Variants in PRKN observed in about 807,000 individuals in gnomAD.
The protein encoded by PRKN is E3 ubiquitin-protein ligase parkin.
In PRKN, 56 loss-of-function variants were observed where a neutral mutation model predicts 59.5. That is an observed-to-expected ratio of 0.94 (90% CI 0.76 to 1.18). The LOEUF (loss-of-function observed/expected upper bound fraction) is 1.18, where lower values mean the gene tolerates loss of function less well. PRKN is among the 50% of genes most tolerant of loss of function. The pLI is 0.00. For missense variants in PRKN, 657 were observed against 596.4 expected, an observed-to-expected ratio of 1.10 and a Z score of -1.06; for synonymous variants, 250 against 222.1, an observed-to-expected ratio of 1.13 and a Z score of -1.12.
intron 6 of PRKN, among the ~76,000 whole-genome samples, chr6:161,869,483 G>A (rs1386683471): frequency 3.9e-5 from 6 of 152,088 alleles, no homozygotes; most frequent in East Asian, 1.9e-4. Flanking sequence ...TGATAAATAC[G>A]AGGCCAAGAA....
At chr6:162,131,079 C>T (rs1021194090) in intron 4 of PRKN, among the ~76,000 whole-genome samples, 15 of 152,156 alleles carry the variant, frequency 9.9e-5, no homozygotes, top group African/African-American at 3.4e-4. Flanking sequence ...CCCTGAAAAT[C>T]ACAGCTTCAT....
At chr6:161,375,222 C>T (rs1002111210) in intron 10 of PRKN, among the ~76,000 whole-genome samples, 26 of 152,174 alleles carry the variant, frequency 1.7e-4, no homozygotes, top group African/African-American at 6.3e-4. Flanking sequence ...CGCCCCTGGC[C>T]GGAAGCTGCA....
chr6:162,387,473 A>G (rs1786895859), intron 2 of PRKN, among the ~76,000 whole-genome samples: 1 of 151,200 alleles, frequency 6.6e-6, no homozygotes, highest in African/African-American at 2.4e-5. Flanking sequence ...AAATTATTGA[A>G]GTTAAGAAGA....
chr6:162,183,167 C>T (rs768685461), intron 4 of PRKN, among the ~76,000 whole-genome samples: 1 of 152,078 alleles, frequency 6.6e-6, no homozygotes, highest in African/African-American at 2.4e-5. Flanking sequence ...TGTCGGGAGG[C>T]CCAATGTGTT....
chr6:161,479,215 C>T (rs1260412497), intron 9 of PRKN, among the ~76,000 whole-genome samples: 3 of 152,072 alleles, frequency 2.0e-5, no homozygotes, highest in African/African-American at 7.2e-5. Flanking sequence ...TGAAAAATAG[C>T]ATCATTATCA....
chr6:161,416,513 A>C (rs769334432), intron 9 of PRKN, among the ~76,000 whole-genome samples: 18 of 152,106 alleles, frequency 1.2e-4, no homozygotes, highest in Non-Finnish European at 2.5e-4. Flanking sequence ...AAGTCACTCC[A>C]GTGATAGGCC....
intron 5 of PRKN, among the ~76,000 whole-genome samples, chr6:162,034,689 C>T (rs1487455363): frequency 6.6e-6 from 1 of 152,188 alleles, no homozygotes; most frequent in Admixed American, 6.5e-5. Context: ...ACCCTAATGA[C>T]TCAACATACT....
chr6:161,746,715 G>C (rs1400355887), intron 7 of PRKN, among the ~76,000 whole-genome samples: 1 of 143,334 alleles, frequency 7.0e-6, no homozygotes, highest in Non-Finnish European at 1.5e-5. Flanking sequence ...TGTATATATA[G>C]ATATATATGT....
chr6:162,063,484 A>G (rs893193723), intron 4 of PRKN, among the ~76,000 whole-genome samples: 5 of 152,322 alleles, frequency 3.3e-5, no homozygotes, highest in Middle Eastern at 6.8e-3. Flanking sequence ...AAGATTAACA[A>G]ACGCTCTCAT....
chr6:162,110,560 CA>C (rs1194777501), intron 4 of PRKN, among the ~76,000 whole-genome samples: 2 of 152,164 alleles, frequency 1.3e-5, no homozygotes, highest in African/African-American at 2.4e-5. Context: ...TTGGAAACCA[CA>C]AATGCAATTA....
At chr6:162,553,380 T>G (rs1583786918) in intron 1 of PRKN, among the ~76,000 whole-genome samples, 1 of 145,006 alleles carries the variant, frequency 6.9e-6, no homozygotes, top group Non-Finnish European at 1.5e-5. Flanking sequence ...CAGGGGAGGG[T>G]GGGAGGAGTG....
chr6:162,629,542 AC>A (rs1783023769), intron 1 of PRKN, among the ~76,000 whole-genome samples: 1 of 152,198 alleles, frequency 6.6e-6, no homozygotes, highest in South Asian at 2.1e-4. Context: ...ATGATGCTTT[AC>A]ATTTAAATTA....
intron 1 of PRKN, among the ~76,000 whole-genome samples, chr6:162,525,082 G>C (rs1373747318): frequency 2.0e-5 from 3 of 152,110 alleles, no homozygotes; most frequent in African/African-American, 7.2e-5. Context: ...CAACTACTTC[G>C]ATCAAGGATG....
chr6:162,064,669 A>G (rs1035654531), intron 4 of PRKN, among the ~76,000 whole-genome samples: 1 of 152,258 alleles, frequency 6.6e-6, no homozygotes, highest in African/African-American at 2.4e-5. Flanking sequence ...TAGTGAATAC[A>G]CAAGAATAAT....
intron 10 of PRKN, among the ~76,000 whole-genome samples, chr6:161,382,206 T>C (rs1193609385): frequency 6.6e-6 from 1 of 151,724 alleles, no homozygotes; most frequent in East Asian, 1.9e-4. Flanking sequence ...AGAAACGATA[T>C]TTCAAGTGAC....
At chr6:162,068,671 G>A (rs1201640196) in intron 4 of PRKN, among the ~76,000 whole-genome samples, 1 of 152,176 alleles carries the variant, frequency 6.6e-6, no homozygotes, top group Non-Finnish European at 1.5e-5. Context: ...CAAGGAGAGG[G>A]TCTGCTCCAG....
At chr6:161,939,604 T>C (rs934322495) in intron 6 of PRKN, among the ~76,000 whole-genome samples, 8 of 150,918 alleles carry the variant, frequency 5.3e-5, no homozygotes, top group African/African-American at 1.7e-4. Context: ...TGGTGGTGGG[T>C]TCCTGTAATC....
intron 1 of PRKN, among the ~76,000 whole-genome samples, chr6:162,570,928 A>C (rs988713905): frequency 2.0e-5 from 3 of 152,232 alleles, no homozygotes; most frequent in Non-Finnish European, 4.4e-5. Flanking sequence ...AAAATAACTT[A>C]AAGAGTGTAA....
chr6:162,352,527 G>A (rs547991838), intron 2 of PRKN, among the ~76,000 whole-genome samples: 1 of 152,224 alleles, frequency 6.6e-6, no homozygotes, highest in East Asian at 1.9e-4. Flanking sequence ...GCATCCTGGG[G>A]CCATCTTGAT....
Sources: gnomAD v4.1 joint callset for allele counts (sites outside exome capture counted in the v4.1 genomes callset) on GRCh38, gnomAD v4.1.1 for gene constraint, MANE v1.5 for transcripts, NCBI Gene and HGNC (gene_info 2026-07-23, HGNC 2026-07-21) for gene names.